Variants in DNAH11 observed in about 807,000 individuals in gnomAD.
DNAH11 encodes the protein axonemal beta dynein heavy chain 11.
Under a neutral mutation model 526.0 loss-of-function variants are expected in DNAH11, and 442 were observed. The observed-to-expected ratio is 0.84, with a 90% CI of 0.78 to 0.91. The LOEUF is 0.91. Ranked by LOEUF, DNAH11 falls within the 40% of genes least tolerant of loss-of-function variation. The probability of loss-of-function intolerance (pLI) is 0.00; values close to 1 mark genes in which losing one functional copy is unlikely to be tolerated. For synonymous variants in DNAH11, 2,461 were observed against 1,935.9 expected, an observed-to-expected ratio of 1.27 and a Z score of -7.12; for missense variants, 6,989 against 5,448.7, an observed-to-expected ratio of 1.28 and a Z score of -8.90.
chr7:21,565,864 C>T (rs7809080), intron 6 of DNAH11, among the ~76,000 whole-genome samples: 5 of 151,992 alleles, frequency 3.3e-5, no homozygotes, highest in Non-Finnish European at 5.9e-5. Flanking sequence ...CTGGTGGTAG[C>T]AGATAACAAC....
intron 65 of DNAH11, among the ~76,000 whole-genome samples, chr7:21,825,805 A>G (rs973147068): frequency 1.3e-5 from 2 of 151,988 alleles, no homozygotes; most frequent in African/African-American, 4.8e-5. Flanking sequence ...TAAAAATACA[A>G]AAAATTAGCT....
At chr7:21,715,262 G>A (rs1265308870) in intron 42 of DNAH11, among the ~76,000 whole-genome samples, 1 of 152,178 alleles carries the variant, frequency 6.6e-6, no homozygotes, top group African/African-American at 2.4e-5. Context: ...GTTTTCAGAG[G>A]TCTGAGAACT....
rs558524371 is a variant in DNAH11 at position 21,589,487 on chromosome 7, T to C, written c.2169+84T>C. On this transcript the variant is annotated intron_variant, in intron 12 of 81. Transcript: ENST00000409508. Reference sequence around the variant, plus strand: ...CTGATATTTCCAGTCATTTGTAATTTACATTTGGGAAAATGTCAGAGTTGT... The same window carrying C: ...CTGATATTTCCAGTCATTTGTAATTCACATTTGGGAAAATGTCAGAGTTGT... 2.0e-4 allele frequency: 246 copies of C among 1,202,420 alleles called. 1 individual carries two copies. The African/African-American group carries it at 3.5e-3, about 17-fold the overall frequency. 74.5% of individuals were successfully genotyped at this position (1,202,420 alleles called of 1,614,324 possible).
chr7:21,543,729 C>A, intron 1 of DNAH11, 133 bp downstream of exon 1: 3 of 939,466 alleles, frequency 3.2e-6, no homozygotes, highest in South Asian at 1.7e-5. Context: ...AAGTCCCCAT[C>A]CTGAGGCCCG....
At chr7:21,600,525 C>T in intron 15 of DNAH11, 151 bp from the exon 16 acceptor site, 1 of 945,186 alleles carries the variant, frequency 1.1e-6, no homozygotes. Context: ...ATGGGAAGCA[C>T]AGGGAAAAGA....
intron 74 of DNAH11, 23 bp downstream of exon 74, chr7:21,873,524 G>A (rs1364399722): frequency 6.2e-7 from 1 of 1,609,378 alleles, no homozygotes; most frequent in East Asian, 2.2e-5. Flanking sequence ...AGCAGGCTAG[G>A]CAGACAATGA....
At chr7:21,820,981 T>C (rs1422399742) in intron 65 of DNAH11, among the ~76,000 whole-genome samples, 1 of 152,148 alleles carries the variant, frequency 6.6e-6, no homozygotes, top group East Asian at 1.9e-4. Context: ...AGTAATCCAT[T>C]TGAGACATGG....
intron 57 of DNAH11, among the ~76,000 whole-genome samples, chr7:21,781,887 G>T (rs1332668098): frequency 6.6e-6 from 1 of 152,184 alleles, no homozygotes; most frequent in Non-Finnish European, 1.5e-5. Context: ...CTTGCAGATG[G>T]CTGCCTTCTT....
chr7:21,663,299 T>A (rs1377140242), intron 30 of DNAH11, among the ~76,000 whole-genome samples: 1 of 152,144 alleles, frequency 6.6e-6, no homozygotes, highest in Non-Finnish European at 1.5e-5. Flanking sequence ...GGTAGAGATA[T>A]CTTTCTGATG....
intron 65 of DNAH11, among the ~76,000 whole-genome samples, chr7:21,834,336 A>G (rs1392108428): frequency 6.6e-6 from 1 of 152,206 alleles, no homozygotes; most frequent in African/African-American, 2.4e-5. Flanking sequence ...AAACCTATGG[A>G]ACACAGCAAA....
At chr7:21,865,503 G>C (rs897985331) in intron 70 of DNAH11, among the ~76,000 whole-genome samples, 3 of 152,280 alleles carry the variant, frequency 2.0e-5, no homozygotes, top group African/African-American at 7.2e-5. Flanking sequence ...TCAACCAGGG[G>C]ATGGGGAAGG....
At chr7:21,894,495 A>C (rs978622408) in intron 77 of DNAH11, 128 bp from the exon 78 acceptor site, 1 of 929,938 alleles carries the variant, frequency 1.1e-6, no homozygotes, top group African/African-American at 1.7e-5. Context: ...CATCCTTCAC[A>C]TGCATTTGCA....
At position 21,862,815 on chromosome 7, in the gene DNAH11, C is replaced by T. The variant is rs192177632; in HGVS notation, c.11373+792C>T. ...GTTCATGGCCGGGCACGGTGGCTCA[C>T]GCCTGTAATCCCAGCACTTTGGGAG... On this transcript the variant is annotated intron_variant, in intron 69 of 81. Transcript: ENST00000409508. 3.1e-3 allele frequency among the ~76,000 whole-genome samples: 468 copies of T among 152,212 alleles called. 1 individual carries two copies. Among genetic ancestry groups the T allele is most frequent in the Middle Eastern group, 6.8e-3 (2 of 294 alleles).
rs536729805 is a variant in DNAH11 at position 21,679,621 on chromosome 7, C to A, written c.5329-1925C>A. ...GGGACATATATTAATATTTTTATTTCTTTAAGCCAGCTTTCCTTTGTGTTT... is the reference window on the plus strand; with the variant it reads ...GGGACATATATTAATATTTTTATTTATTTAAGCCAGCTTTCCTTTGTGTTT... On this transcript the variant is annotated intron_variant, in intron 30 of 81. Transcript: ENST00000409508. Among the ~76,000 whole-genome samples the A allele has an allele frequency of 7.4e-4, 112 of 152,122 alleles. 1 individual carries two copies. Among genetic ancestry groups the A allele is most frequent in the Non-Finnish European group, 1.3e-3 (85 of 67,994 alleles).
chr7:21,866,348 A>T, intron 70 of DNAH11, 122 bp from the exon 71 acceptor site: 19 of 734,922 alleles, frequency 2.6e-5, no homozygotes, highest in Non-Finnish European at 3.7e-5. Context: ...AAATCTGAAG[A>T]GGAGAGTGAA....
In DNAH11 at chr7:21,588,658, A is replaced by G. The variant is rs540815779; in HGVS notation, c.1973+22A>G. 1.9e-6 allele frequency: 3 copies of G among 1,609,548 alleles called. No homozygotes were observed. The East Asian group carries it at 6.7e-5, about 36-fold the overall frequency. Reference sequence around the variant, plus strand: ...ATCTGTAAGTAGTTAAGCTTAGGTCATGGCAAGTTATTCTAATGGTACGGG... The same window carrying G: ...ATCTGTAAGTAGTTAAGCTTAGGTCGTGGCAAGTTATTCTAATGGTACGGG... On this transcript the variant is annotated intron_variant, in intron 11 of 81. Coordinates refer to ENST00000409508, the MANE Select transcript of DNAH11 (RefSeq NM_001277115.2).
Position 21,867,965 on chromosome 7 carries a change from C to T in DNAH11, c.11797C>T (p.Leu3933=). ...SSPATPIFFI[L]SPGVDALKDL... is the part of the protein sequence containing the mutation. ...CCCAGCCACCCCCATATTCTTCATCCTGTCTCCGGGGGTAGATGCCCTTAA... is the reference window on the plus strand; with the variant it reads ...CCCAGCCACCCCCATATTCTTCATCTTGTCTCCGGGGGTAGATGCCCTTAA... The change falls in exon 72 of 82, where the codon CTG becomes TTG. Residue 3933 remains leucine, a synonymous_variant. Transcript: ENST00000409508. 1 of 1,565,372 alleles carries T rather than the reference C, an allele frequency of 6.4e-7. No individual in the cohort carries two copies. Among genetic ancestry groups the T allele is most frequent in the African/African-American group, 1.4e-5 (1 of 73,816 alleles).
chr7:21,773,797 T>A lies in DNAH11; in HGVS notation c.9134T>A (p.Met3045Lys). 1 of 1,604,754 alleles carries A rather than the reference T, an allele frequency of 6.2e-7. No homozygotes were observed. The highest frequency in any genetic ancestry group is 1.3e-5 in the African/African-American group (1 of 74,890). ...CACAAAGACTCTATTAGCCTTTTCA[T>A]GGCACATGTTCACACCACTGTAAAT... ...PVHKDSISLF[M>K]AHVHTTVNEM... Residue 3045 changes from methionine (M) to lysine (K), a missense_variant, in exon 56 of 82, where the codon ATG becomes AAG. Coordinates refer to ENST00000409508, the MANE Select transcript of DNAH11 (RefSeq NM_001277115.2).
At chr7:21,619,329 G>C in intron 24 of DNAH11, 107 bp downstream of exon 24, 2 of 1,340,164 alleles carry the variant, frequency 1.5e-6, no homozygotes. Flanking sequence ...CTGGAGAGAT[G>C]AGTCCCAGTT....
Sources: allele counts gnomAD v4.1 joint callset (sites outside exome capture counted in the v4.1 genomes callset), GRCh38; gene constraint gnomAD v4.1.1; transcripts MANE v1.5; gene names NCBI Gene and HGNC (gene_info 2026-07-23, HGNC 2026-07-21).